The following TAF4B variants were observed in gnomAD, a reference collection of about 807,000 sequenced individuals.
The protein encoded by TAF4B is TATA-box binding protein associated factor 4b, also known as transcription initiation factor TFIID subunit 4B.
A neutral mutation model predicts 86.4 loss-of-function variants in TAF4B; 38 were observed. The ratio of observed to expected loss-of-function variants is 0.44; its 90% CI spans 0.34 to 0.58. The LOEUF (loss-of-function observed/expected upper bound fraction) is 0.58, where lower values mean the gene tolerates loss of function less well. Ranked by LOEUF, TAF4B falls within the 20% of genes least tolerant of loss-of-function variation. TAF4B has a pLI of 0.02. For missense variants in TAF4B, 988 were observed against 1,027.6 expected (o/e 0.96, Z 0.53); for synonymous variants, 388 against 391.2 (o/e 0.99, Z 0.10).
At chr18:26,241,192 C>T (rs536584876) in intron 1 of TAF4B, among the ~76,000 whole-genome samples, 11 of 152,262 alleles carry the variant, frequency 7.2e-5, no homozygotes, top group Admixed American at 3.3e-4. Context: ...TGGTAGAATT[C>T]GGCTGTGAAT....
chr18:26,346,907 G>GTGTATA lies in TAF4B; in HGVS notation c.2317-10782_2317-10781insGTATAT, dbSNP rs1171773933. ...TATATATATATATATATATGTGTGT[G>GTGTATA]TATATATATATATATAGTTTTTTGT... On this transcript the variant is annotated intron_variant, in intron 13 of 14. Transcript: ENST00000269142. 2.7e-4 allele frequency among the ~76,000 whole-genome samples: 3 copies of GTGTATA among 11,220 alleles called. 1 individual carries two copies. The highest frequency in any genetic ancestry group is 7.7e-4 in the Non-Finnish European group (3 of 3,904). 7.4% of individuals were successfully genotyped at this position (11,220 alleles called of 152,430 possible). A position where few individuals can be genotyped will look rare whatever the true frequency, so the allele number is the denominator to read the frequency against.
chr18:26,262,338 T>C (rs1490454445), intron 1 of TAF4B, among the ~76,000 whole-genome samples: 1 of 152,102 alleles, frequency 6.6e-6, no homozygotes, highest in Non-Finnish European at 1.5e-5. Flanking sequence ...ATGGAATTTC[T>C]GTCATGTTGA....
rs895116931 is a variant in TAF4B at position 26,266,220 on chromosome 18, C to G, written c.489+905C>G. 4 of 151,868 alleles carry G rather than the reference C, an allele frequency of 2.6e-5. 1 individual carries two copies. Among genetic ancestry groups the G allele is most frequent in the Admixed American group, 2.6e-4 (4 of 15,260 alleles). 9.4% of individuals were successfully genotyped at this position (151,868 alleles called of 1,614,324 possible). A position where few individuals can be genotyped will look rare whatever the true frequency, so the allele number is the denominator to read the frequency against. On this transcript the variant is annotated intron_variant, in intron 2 of 14. Coordinates refer to ENST00000269142, the MANE Select transcript of TAF4B (RefSeq NM_005640.3). ...CTCTGCCTCCCAGGTACAAGTGATT[C>G]TCCTGCCTCAGCCTCCTGAGTAGCT... is the stretch of plus-strand genomic sequence containing the variant.
intron 14 of TAF4B, among the ~76,000 whole-genome samples, chr18:26,382,441 T>C (rs908152035): frequency 6.6e-6 from 1 of 152,166 alleles, no homozygotes; most frequent in African/African-American, 2.4e-5. Context: ...CTGAAGCACT[T>C]TCTTAATGTT....
chr18:26,257,576 G>A (rs888939770), intron 1 of TAF4B, among the ~76,000 whole-genome samples: 22 of 152,140 alleles, frequency 1.4e-4, no homozygotes, highest in African/African-American at 4.6e-4. Flanking sequence ...GACTTAGCCT[G>A]CCATTTACTT....
At chr18:26,331,811 C>G (rs558076307) in intron 12 of TAF4B, among the ~76,000 whole-genome samples, 1 of 152,316 alleles carries the variant, frequency 6.6e-6, no homozygotes, top group South Asian at 2.1e-4. Context: ...TTTCCTTCTA[C>G]AGTCCATTCC....
At chr18:26,237,646 A>G (rs964544006) in intron 1 of TAF4B, among the ~76,000 whole-genome samples, 5 of 152,160 alleles carry the variant, frequency 3.3e-5, no homozygotes, top group African/African-American at 4.8e-5. Context: ...CAAGCTTTGC[A>G]TAGTTGTGAA....
rs766311224 is a variant in TAF4B at position 26,292,401 on chromosome 18, A to T, written c.1726+20A>T. 6.2e-6 allele frequency: 10 copies of T among 1,600,410 alleles called. No individual in the cohort carries two copies. In the African/African-American group the frequency reaches 1.2e-4, roughly 19 times the overall value. ...CTCCAGGTAGATGCTGGTCCATCTC[A>T]GTCCCATCATGCTGGGTTAGAACAT... On this transcript the variant is annotated intron_variant, in intron 8 of 14. Transcript: ENST00000269142.
intron 13 of TAF4B, among the ~76,000 whole-genome samples, chr18:26,346,678 A>G (rs1287998208): frequency 1.4e-5 from 2 of 146,532 alleles, no homozygotes; most frequent in Non-Finnish European, 3.0e-5. Context: ...AGGCTAGGAG[A>G]GAATGGGATA....
intron 3 of TAF4B, among the ~76,000 whole-genome samples, chr18:26,269,851 CTG>C (rs2056290589): frequency 6.6e-6 from 1 of 152,132 alleles, no homozygotes; most frequent in Non-Finnish European, 1.5e-5. Context: ...ACTCTGGAAA[CTG>C]TTCTTAATGA....
intron 13 of TAF4B, among the ~76,000 whole-genome samples, chr18:26,338,510 C>T (rs1202532883): frequency 1.2e-4 from 14 of 117,588 alleles, no homozygotes; most frequent in Non-Finnish European, 5.0e-5. Flanking sequence ...CGGAATTTCG[C>T]TCTTGTTGCC....
rs1282961708 is a variant in TAF4B at position 26,384,172 on chromosome 18, G to T, written c.2422-5673G>T. On this transcript the variant is annotated intron_variant, in intron 14 of 14. Coordinates refer to ENST00000269142, the MANE Select transcript of TAF4B (RefSeq NM_005640.3). ...TTAAGAGCTGCCATGGTGGCATGAG[G>T]TTGGGACTTAGTGTAAATCAGGTAG... is the stretch of plus-strand genomic sequence containing the variant. Among the ~76,000 whole-genome samples the T allele has an allele frequency of 2.6e-5, 4 of 152,310 alleles. No individual in the cohort carries two copies. In the East Asian group the frequency reaches 5.8e-4, roughly 22 times the overall value.
At chr18:26,269,868 T>C (rs2056290891) in intron 3 of TAF4B, among the ~76,000 whole-genome samples, 1 of 152,200 alleles carries the variant, frequency 6.6e-6, no homozygotes, top group Non-Finnish European at 1.5e-5. Flanking sequence ...TAATGACCTA[T>C]GTACTGATTA....
At chr18:26,319,271 C>G (rs926696266) in intron 10 of TAF4B, among the ~76,000 whole-genome samples, 3 of 151,822 alleles carry the variant, frequency 2.0e-5, no homozygotes, top group Non-Finnish European at 4.4e-5. Context: ...GCGGGCAGAT[C>G]ACTTGAGGTC....
At chr18:26,322,862 A>G (rs2056974248) in intron 11 of TAF4B, among the ~76,000 whole-genome samples, 1 of 151,894 alleles carries the variant, frequency 6.6e-6, no homozygotes, top group South Asian at 2.1e-4. Flanking sequence ...TTTATAATGT[A>G]GGCGTTTACT....
chr18:26,286,226 A>G lies in TAF4B; in HGVS notation c.1317A>G (p.Thr439=). 6.2e-7 allele frequency: 1 copy of G among 1,614,242 alleles called. No individual in the cohort carries two copies. Among genetic ancestry groups the G allele is most frequent in the Non-Finnish European group, 8.5e-7 (1 of 1,180,042 alleles). ...TTCAGACTTCAAAACCACTTGTGAC[A>G]TCTGTGGCAAACACAGTGACCACGG... is the stretch of plus-strand genomic sequence containing the variant. ...GLLQTSKPLV[T]SVANTVTTVS... is the part of the protein sequence containing the mutation. Residue 439 remains threonine (T), a synonymous_variant, in exon 7 of 15, where the codon ACA becomes ACG. Transcript: ENST00000269142.
At position 26,265,146 on chromosome 18, in the gene TAF4B, CT is replaced by C. The variant is rs755923323; in HGVS notation, c.344-16del. 1.4e-5 allele frequency: 23 copies of C among 1,599,122 alleles called. 1 individual carries two copies. Among genetic ancestry groups the C allele is most frequent in the South Asian group, 4.6e-5 (4 of 87,832 alleles). ...GCTGTATTTAGTGGCTCAGAGGTCA[CT>C]TTTTTTTCTTTTTTAAATATAGGAA... is the stretch of plus-strand genomic sequence containing the variant. On this transcript the variant is annotated intron_variant, in intron 1 of 14. Coordinates refer to ENST00000269142, the MANE Select transcript of TAF4B (RefSeq NM_005640.3).
At chr18:26,276,443 C>G (rs376159531) in intron 5 of TAF4B, among the ~76,000 whole-genome samples, 23 of 152,190 alleles carry the variant, frequency 1.5e-4, no homozygotes, top group Non-Finnish European at 3.1e-4. Context: ...AGATTTCTCT[C>G]ACCACGTAAT....
chr18:26,285,351 CTAATTTTTG>C (rs1304346598), intron 6 of TAF4B, among the ~76,000 whole-genome samples: 1 of 150,710 alleles, frequency 6.6e-6, no homozygotes, highest in African/African-American at 2.4e-5. Flanking sequence ...CCACGCCTGA[CTAATTTTTG>C]TATTTTTTGT....
Sources: allele counts gnomAD v4.1 joint callset (sites outside exome capture counted in the v4.1 genomes callset), GRCh38; gene constraint gnomAD v4.1.1; transcripts MANE v1.5; gene names NCBI Gene and HGNC (gene_info 2026-07-23, HGNC 2026-07-21).